Variants in UBTD1 observed in about 807,000 individuals in gnomAD.
The protein encoded by UBTD1 is ubiquitin domain containing 1.
UBTD1 carries 19 observed loss-of-function variants against 21.7 expected under a neutral mutation model. That is an observed-to-expected ratio of 0.87 (90% CI 0.61 to 1.28). The LOEUF is 1.28. Among genes scored for constraint, UBTD1 ranks in the 50% most tolerant of loss-of-function variants. The pLI, the probability that UBTD1 is intolerant of heterozygous loss-of-function variation, is 0.00. For synonymous variants in UBTD1, 116 were observed against 135.1 expected, an observed-to-expected ratio of 0.86 and a Z score of 0.98; for missense variants, 282 against 315.1, an observed-to-expected ratio of 0.89 and a Z score of 0.80.
In UBTD1 at chr10:97,568,156, C is replaced by T. The variant is rs574132308; in HGVS notation, c.298+15C>T. 49 of 1,612,844 alleles carry T rather than the reference C, an allele frequency of 3.0e-5. No individual in the cohort carries two copies. The Middle Eastern group carries it at 6.6e-4, about 22-fold the overall frequency. On this transcript the variant is annotated intron_variant, in intron 2 of 2. Coordinates refer to ENST00000370664, the MANE Select transcript of UBTD1 (RefSeq NM_024954.5). ...CCTGCCTCATGGTAAGTGGGCAGGG[C>T]CAGGGCTTTATCCCCGCTGGAGCTA... is the stretch of plus-strand genomic sequence containing the variant.
chr10:97,546,771 G>A (rs978666849), intron 1 of UBTD1, among the ~76,000 whole-genome samples: 6 of 152,034 alleles, frequency 3.9e-5, no homozygotes, highest in Non-Finnish European at 8.8e-5. Context: ...TTTTCCCATT[G>A]GCATATTCTT....
chr10:97,510,557 GACA>G (rs2040419385), intron 1 of UBTD1, among the ~76,000 whole-genome samples: 1 of 152,080 alleles, frequency 6.6e-6, no homozygotes, highest in African/African-American at 2.4e-5. Flanking sequence ...TGGTGCCTGG[GACA>G]TATTACCTAC....
intron 1 of UBTD1, among the ~76,000 whole-genome samples, chr10:97,514,015 C>CT (rs57603791): frequency 0.15 from 21,062 of 144,154 alleles, 1,972 homozygotes; most frequent in African/African-American, 0.27. Context: ...TTCTTTCTTT[C>CT]TTTTTTTTTT....
chr10:97,561,953 C>A (rs542981070), intron 1 of UBTD1, among the ~76,000 whole-genome samples: 5 of 152,288 alleles, frequency 3.3e-5, no homozygotes, highest in Admixed American at 6.5e-5. Flanking sequence ...AAATAAAATT[C>A]TAAGTCCTCC....
chr10:97,526,727 G>T (rs562461243), intron 1 of UBTD1, among the ~76,000 whole-genome samples: 4 of 151,938 alleles, frequency 2.6e-5, no homozygotes, highest in Admixed American at 2.6e-4. Flanking sequence ...GGCATGCACC[G>T]GTAGTCCCAG....
chr10:97,569,839 G>A (rs1343838514), intron 2 of UBTD1, among the ~76,000 whole-genome samples: 1 of 151,982 alleles, frequency 6.6e-6, no homozygotes, highest in Non-Finnish European at 1.5e-5. Context: ...CAGCTGCTCG[G>A]GAGGCTGAGG....
Position 97,570,065 on chromosome 10 carries a change from TG to T in UBTD1, c.299-67del, listed in dbSNP as rs1564746362. ...GGGTTAGAGTTTCACCATATGAATT[TG>T]GGGGGACCCAAACATTTAATCCATG... On this transcript the variant is annotated intron_variant, in intron 2 of 2. Coordinates refer to ENST00000370664, the MANE Select transcript of UBTD1 (RefSeq NM_024954.5). This position sits in a 1 kb window ranked among gnomAD's most constrained non-coding sequence, Gnocchi z 6.6. 6.6e-7 allele frequency: 1 copy of T among 1,523,248 alleles called. No homozygotes were observed. The allele number at this position is 1,523,248 out of a possible 1,614,324, so 94.4% of individuals were successfully genotyped here. A position where few individuals can be genotyped will look rare whatever the true frequency, so the allele number is the denominator to read the frequency against.
intron 1 of UBTD1, among the ~76,000 whole-genome samples, chr10:97,517,711 C>T (rs567344429): frequency 6.6e-6 from 1 of 152,304 alleles, no homozygotes; most frequent in East Asian, 1.9e-4. Context: ...TCCTGGGCAT[C>T]TCAGGCCGGT....
Position 97,507,632 on chromosome 10 carries a change from C to T in UBTD1, c.70+8359C>T, listed in dbSNP as rs191067080. 4.9e-3 allele frequency among the ~76,000 whole-genome samples: 742 copies of T among 151,232 alleles called. 10 individuals are homozygous for T. Among genetic ancestry groups the T allele is most frequent in the African/African-American group, 0.017 (690 of 41,196 alleles). On this transcript the variant is annotated intron_variant, in intron 1 of 2. Coordinates refer to ENST00000370664, the MANE Select transcript of UBTD1 (RefSeq NM_024954.5). ...TACTAAAAATACAAAAAAAATTAGC[C>T]GGGCATGGTGGCACGTGCCTGTAAT...
At chr10:97,508,809 T>G (rs1379687899) in intron 1 of UBTD1, among the ~76,000 whole-genome samples, 1 of 152,200 alleles carries the variant, frequency 6.6e-6, no homozygotes, top group African/African-American at 2.4e-5. Context: ...GAATGTTGTT[T>G]GAGGGCTCGG....
intron 2 of UBTD1, among the ~76,000 whole-genome samples, chr10:97,569,802 C>A (rs1436973544): frequency 6.6e-6 from 1 of 151,848 alleles, no homozygotes; most frequent in Non-Finnish European, 1.5e-5. Context: ...AACTGTAAGC[C>A]AGGGCAGTGG....
intron 1 of UBTD1, among the ~76,000 whole-genome samples, chr10:97,516,631 C>T (rs562798210): frequency 3.7e-4 from 56 of 152,208 alleles, no homozygotes; most frequent in South Asian, 2.5e-3. Flanking sequence ...AAAAATTAGC[C>T]GGGCACGGTG....
chr10:97,567,584 G>T (rs1396657089), intron 1 of UBTD1, among the ~76,000 whole-genome samples: 1 of 151,808 alleles, frequency 6.6e-6, no homozygotes, highest in Non-Finnish European at 1.5e-5. Flanking sequence ...GCTTGAACCC[G>T]GGAGGCGGAG....
Position 97,570,479 on chromosome 10 carries a change from G to GTCAT in UBTD1, c.641_644dup (p.Gln216HisfsTer29). 1 of 1,611,242 alleles carries GTCAT rather than the reference G, an allele frequency of 6.2e-7. No individual in the cohort carries two copies. Among genetic ancestry groups the GTCAT allele is most frequent in the South Asian group, 1.1e-5 (1 of 91,014 alleles). ...GGAGACCAAGATCCAGAAAGATTTT[G>GTCAT]TCATCCAGGTCATCATCAACCAGCC... On this transcript the variant is annotated frameshift_variant, in exon 3 of 3. Transcript: ENST00000370664. LOFTEE classifies it high-confidence loss of function. This position sits in a 1 kb window ranked among gnomAD's most constrained non-coding sequence, Gnocchi z 6.6.
Position 97,570,041 on chromosome 10 carries a change from G to C in UBTD1, c.299-97G>C. ...CATGTCCAAATACAGTCACATTGGG[G>C]GTTAGAGTTTCACCATATGAATTTG... On this transcript the variant is annotated intron_variant, in intron 2 of 2. Coordinates refer to ENST00000370664, the MANE Select transcript of UBTD1 (RefSeq NM_024954.5). The surrounding 1 kb of genome is among the most constrained non-coding windows in gnomAD (Gnocchi z 6.6). 1 of 1,480,224 alleles carries C rather than the reference G, an allele frequency of 6.8e-7. No homozygotes were observed. Among genetic ancestry groups the C allele is most frequent in the South Asian group, 1.3e-5 (1 of 77,522 alleles). 91.7% of individuals were successfully genotyped at this position (1,480,224 alleles called of 1,614,324 possible).
chr10:97,568,577 A>G (rs1231451299), intron 2 of UBTD1, among the ~76,000 whole-genome samples: 2 of 151,804 alleles, frequency 1.3e-5, no homozygotes, highest in Admixed American at 1.3e-4. Flanking sequence ...ATGTGCCACC[A>G]TGCCTGGCTA....
chr10:97,564,984 C>T (rs145294420), intron 1 of UBTD1, among the ~76,000 whole-genome samples: 53 of 152,280 alleles, frequency 3.5e-4, no homozygotes, highest in African/African-American at 1.1e-3. Context: ...TTTAAGTCCC[C>T]GCCCCTTCAA....
chr10:97,556,023 AGATT>A, intron 1 of UBTD1, among the ~76,000 whole-genome samples: 1 of 152,122 alleles, frequency 6.6e-6, no homozygotes, highest in Non-Finnish European at 1.5e-5. Flanking sequence ...TTTGTGCAAT[AGATT>A]GATAGTGATT....
intron 1 of UBTD1, among the ~76,000 whole-genome samples, chr10:97,518,496 T>C (rs2135662512): frequency 1.3e-5 from 2 of 152,334 alleles, no homozygotes; most frequent in East Asian, 3.9e-4. Flanking sequence ...GTGTCTTCCT[T>C]GCCCTCCAGC....
Sources: allele counts gnomAD v4.1 joint callset (sites outside exome capture counted in the v4.1 genomes callset), GRCh38; gene constraint gnomAD v4.1.1; non-coding constraint Gnocchi (gnomAD v3.1); transcripts MANE v1.5; gene names NCBI Gene and HGNC (gene_info 2026-07-23, HGNC 2026-07-21).